ARID3B: variants seen among roughly 807,000 people sequenced by gnomAD.
ARID3B encodes AT-rich interaction domain 3B.
Under a neutral mutation model 51.9 loss-of-function variants are expected in ARID3B, and 10 were observed. The ratio of observed to expected loss-of-function variants is 0.19; its 90% confidence interval spans 0.12 to 0.33. ARID3B has a LOEUF of 0.33. ARID3B is among the 10% of genes least tolerant of loss of function. ARID3B has a pLI of 1.00. For synonymous variants in ARID3B, 205 were observed against 279.5 expected, an observed-to-expected ratio of 0.73 and a Z score of 2.66; for missense variants, 483 against 716.3, an observed-to-expected ratio of 0.67 and a Z score of 3.72.
At chr15:74,553,280 T>C (rs893071375) in intron 2 of ARID3B, among the ~76,000 whole-genome samples, 4 of 152,264 alleles carry the variant, frequency 2.6e-5, no homozygotes, top group African/African-American at 9.6e-5. Flanking sequence ...CATCATCCAC[T>C]GATCCTACTT....
At chr15:74,548,195 C>T (rs1465693023) in intron 2 of ARID3B, among the ~76,000 whole-genome samples, 2 of 152,254 alleles carry the variant, frequency 1.3e-5, no homozygotes, top group Admixed American at 6.5e-5. Flanking sequence ...GATCATACAG[C>T]CAACTAGGGG....
At chr15:74,585,275 G>A (rs137879478) in intron 4 of ARID3B, among the ~76,000 whole-genome samples, 1 of 152,176 alleles carries the variant, frequency 6.6e-6, no homozygotes, top group South Asian at 2.1e-4. Flanking sequence ...TGTGGACAGA[G>A]GCCTCTCTCT....
chr15:74,559,861 C>G (rs1164080147), intron 2 of ARID3B, among the ~76,000 whole-genome samples: 1 of 151,344 alleles, frequency 6.6e-6, no homozygotes, highest in Non-Finnish European at 1.5e-5. Flanking sequence ...GTTGTACTTG[C>G]GTTTTGAAGA....
intron 2 of ARID3B, among the ~76,000 whole-genome samples, chr15:74,566,495 C>T (rs998210105): frequency 6.6e-6 from 1 of 151,542 alleles, no homozygotes; most frequent in East Asian, 1.9e-4. Flanking sequence ...CCCAGCTGCT[C>T]AGGAGGCTGA....
At chr15:74,567,335 T>A (rs1187924900) in intron 2 of ARID3B, among the ~76,000 whole-genome samples, 1 of 152,238 alleles carries the variant, frequency 6.6e-6, no homozygotes, top group African/African-American at 2.4e-5. Context: ...TTCTACCTCC[T>A]GAGTACCTTG....
At chr15:74,556,386 A>G (rs1174146848) in intron 2 of ARID3B, among the ~76,000 whole-genome samples, 1 of 152,194 alleles carries the variant, frequency 6.6e-6, no homozygotes, top group Non-Finnish European at 1.5e-5. Context: ...AGCAATTACA[A>G]TGGTAACATC....
intron 8 of ARID3B, among the ~76,000 whole-genome samples, chr15:74,594,507 CACCT>C (rs1054258298): frequency 2.0e-5 from 3 of 152,226 alleles, no homozygotes; most frequent in African/African-American, 7.2e-5. Flanking sequence ...GGGCATCACC[CACCT>C]GTTTTACCAA....
In ARID3B at chr15:74,591,697, GAGA is replaced by G. The variant is rs1567127462; in HGVS notation, c.1309_1311del (p.Lys437del). 1.9e-6 allele frequency: 3 copies of G among 1,613,480 alleles called. No individual in the cohort carries two copies. The highest frequency in any genetic ancestry group is 1.1e-5 in the South Asian group (1 of 90,990). On this transcript the variant is annotated inframe_deletion, in exon 7 of 9. Coordinates refer to ENST00000346246, the MANE Select transcript of ARID3B (RefSeq NM_006465.4). This position sits in a 1 kb window ranked among gnomAD's most constrained non-coding sequence, Gnocchi z 5.8. ...GCGGCTGGAGTCAGGGGAGCCTGCT[GAGA>G]AGAAGGCATCGAGGCTGTCTGAGGA... is the stretch of plus-strand genomic sequence containing the variant.
chr15:74,549,075 CTTTTTT>C (rs913800985), intron 2 of ARID3B, among the ~76,000 whole-genome samples: 1 of 150,084 alleles, frequency 6.7e-6, no homozygotes, highest in Non-Finnish European at 1.5e-5. Context: ...ACTTTTCTTT[CTTTTTT>C]TTTCTTTTTT....
intron 4 of ARID3B, among the ~76,000 whole-genome samples, chr15:74,589,057 TC>T (rs2061793399): frequency 1.3e-5 from 1 of 78,760 alleles, no homozygotes; most frequent in African/African-American, 7.3e-5. Context: ...TTTAAGACAG[TC>T]TCACTGTCGC....
intron 2 of ARID3B, among the ~76,000 whole-genome samples, chr15:74,570,296 CAT>C (rs893141955): frequency 7.9e-5 from 12 of 152,202 alleles, no homozygotes; most frequent in African/African-American, 2.4e-4. Context: ...TATTTTCACA[CAT>C]AGTCACATAG....
intron 3 of ARID3B, 85 bp downstream of exon 3, chr15:74,573,018 G>A (rs1596258490): frequency 6.3e-7 from 1 of 1,586,746 alleles, no homozygotes; most frequent in Non-Finnish European, 8.7e-7. Flanking sequence ...AAGGACCAAG[G>A]TAGCCAGTGA....
chr15:74,565,283 C>T (rs2061693461), intron 2 of ARID3B, among the ~76,000 whole-genome samples: 1 of 152,078 alleles, frequency 6.6e-6, no homozygotes, highest in African/African-American at 2.4e-5. Context: ...AACTCCCGGG[C>T]TTAAGCAGTC....
At chr15:74,595,065 C>T (rs2061819153) in intron 8 of ARID3B, among the ~76,000 whole-genome samples, 1 of 152,262 alleles carries the variant, frequency 6.6e-6, no homozygotes, top group South Asian at 2.1e-4. Flanking sequence ...AGCCAGTCAC[C>T]CACCCCACCT....
intron 4 of ARID3B, among the ~76,000 whole-genome samples, chr15:74,589,021 CTTTTTTTTTTT>C (rs900091332): frequency 7.6e-4 from 67 of 87,854 alleles, no homozygotes; most frequent in Middle Eastern, 6.8e-3. Flanking sequence ...CAAGCACACT[CTTTTTTTTTTT>C]TTTTTTTTTT....
intron 2 of ARID3B, among the ~76,000 whole-genome samples, chr15:74,557,322 G>A (rs2061662383): frequency 6.6e-6 from 1 of 151,790 alleles, no homozygotes. Flanking sequence ...AGGCTGAGGT[G>A]GGAGGATCTC....
intron 4 of ARID3B, among the ~76,000 whole-genome samples, chr15:74,588,005 C>T (rs909676698): frequency 2.0e-5 from 3 of 152,060 alleles, no homozygotes; most frequent in Non-Finnish European, 4.4e-5. Context: ...CTTTGGGAGG[C>T]TGAGGCAGGA....
chr15:74,576,171 AG>A (rs2061736628), intron 4 of ARID3B, among the ~76,000 whole-genome samples: 1 of 152,154 alleles, frequency 6.6e-6, no homozygotes, highest in Admixed American at 6.5e-5. Context: ...CTGGGATTAC[AG>A]GTATGAGCCA....
chr15:74,557,135 C>T (rs1355858362), intron 2 of ARID3B, among the ~76,000 whole-genome samples: 1 of 151,934 alleles, frequency 6.6e-6, no homozygotes, highest in Non-Finnish European at 1.5e-5. Context: ...AAAGTCTTGG[C>T]CAGGCATGAT....
Sources: allele counts gnomAD v4.1 joint callset (sites outside exome capture counted in the v4.1 genomes callset), GRCh38; gene constraint gnomAD v4.1.1; non-coding constraint Gnocchi (gnomAD v3.1); transcripts MANE v1.5; gene names NCBI Gene and HGNC (gene_info 2026-07-23, HGNC 2026-07-21).